NXPE2: variants seen among roughly 807,000 people sequenced by gnomAD.
NXPE2 encodes the protein NXPE family member 2.
NXPE2 carries 34 observed loss-of-function variants against 34.4 expected under a neutral mutation model. That is an observed-to-expected ratio of 0.99 (90% CI 0.75 to 1.31). The LOEUF (loss-of-function observed/expected upper bound fraction) is 1.31, where lower values mean the gene tolerates loss of function less well. Among genes scored for constraint, NXPE2 ranks in the 40% most tolerant of loss-of-function variants. NXPE2 has a pLI of 0.00. For synonymous variants in NXPE2, 235 were observed against 231.3 expected (o/e 1.02, Z -0.15); for missense variants, 649 against 672.5 (o/e 0.97, Z 0.39).
chr11:114,722,097 C>A, the NXPE2 span, among the ~76,000 whole-genome samples: 11 of 152,198 alleles, frequency 7.2e-5, no homozygotes, highest in East Asian at 3.9e-4. Context: ...CTTATTCTCA[C>A]ATTTCCCAGA....
the NXPE2 span, among the ~76,000 whole-genome samples, chr11:114,612,055 G>C: frequency 6.6e-6 from 1 of 151,286 alleles, no homozygotes; most frequent in Non-Finnish European, 1.5e-5. Flanking sequence ...GTGTTGCCTC[G>C]TGGGTAACCA....
chr11:114,708,227 C>G (rs1486397033), downstream of NXPE2, among the ~76,000 whole-genome samples: 1 of 152,106 alleles, frequency 6.6e-6, no homozygotes, highest in Non-Finnish European at 1.5e-5. Context: ...TCTCTAGATT[C>G]CAGTAAGAAT....
At chr11:114,752,228 A>G in the NXPE2 span, among the ~76,000 whole-genome samples, 1 of 152,260 alleles carries the variant, frequency 6.6e-6, no homozygotes, top group Non-Finnish European at 1.5e-5. Context: ...TGTTTGTCAC[A>G]TACAAGGAAC....
At chr11:114,746,796 A>G in the NXPE2 span, among the ~76,000 whole-genome samples, 2 of 151,840 alleles carry the variant, frequency 1.3e-5, no homozygotes, top group African/African-American at 4.8e-5. Flanking sequence ...GGTTGCAGCG[A>G]GCCAAGATAG....
At chr11:114,609,871 C>T in the NXPE2 span, among the ~76,000 whole-genome samples, 3 of 148,508 alleles carry the variant, frequency 2.0e-5, no homozygotes, top group South Asian at 4.3e-4. Context: ...GGTAACCACT[C>T]TTACCCAGTG....
chr11:114,560,094 CCT>C, the NXPE2 span, among the ~76,000 whole-genome samples: 17 of 152,150 alleles, frequency 1.1e-4, no homozygotes, highest in Middle Eastern at 3.4e-3. Context: ...GAATGGAAAA[CCT>C]CTTAGTTCTG....
At chr11:114,695,800 G>T (rs1052123096) in intron 2 of NXPE2, among the ~76,000 whole-genome samples, 1 of 147,426 alleles carries the variant, frequency 6.8e-6, no homozygotes, top group Non-Finnish European at 1.5e-5. Flanking sequence ...CGACCAGCCT[G>T]ACCAACATGG....
At chr11:114,594,657 T>A in the NXPE2 span, 1 of 1,570,492 alleles carries the variant, frequency 6.4e-7, no homozygotes, top group African/African-American at 1.4e-5. Flanking sequence ...AATAAAGCAT[T>A]TCCTACCTTT....
chr11:114,515,277 G>A, the NXPE2 span, among the ~76,000 whole-genome samples: 32,685 of 151,972 alleles, frequency 0.22, 4,880 homozygotes, highest in African/African-American at 0.41. Flanking sequence ...GAATCTATAA[G>A]TAACCTGGGA....
chr11:114,778,261 A>T, the NXPE2 span, among the ~76,000 whole-genome samples: 1 of 152,190 alleles, frequency 6.6e-6, no homozygotes, highest in Admixed American at 6.5e-5. Context: ...AAAGACCTTG[A>T]CTCTCTGGCT....
chr11:114,766,446 T>G, the NXPE2 span, among the ~76,000 whole-genome samples: 3 of 152,296 alleles, frequency 2.0e-5, no homozygotes, highest in East Asian at 5.8e-4. Flanking sequence ...CATCCTAGTT[T>G]AATTCCAGCC....
chr11:114,550,027 A>C, the NXPE2 span, among the ~76,000 whole-genome samples: 1 of 152,164 alleles, frequency 6.6e-6, no homozygotes, highest in Non-Finnish European at 1.5e-5. Flanking sequence ...TCCAAGATTT[A>C]TATGAGGAAA....
At chr11:114,518,869 T>C in the NXPE2 span, among the ~76,000 whole-genome samples, 1 of 152,010 alleles carries the variant, frequency 6.6e-6, no homozygotes, top group South Asian at 2.1e-4. Context: ...CTGTGAAATT[T>C]TGAACATTTA....
chr11:114,483,425 GCA>G, the NXPE2 span, among the ~76,000 whole-genome samples: 513 of 152,306 alleles, frequency 3.4e-3, 4 homozygotes, highest in South Asian at 0.023. Context: ...GTTTTCTAAA[GCA>G]CAGTTTGCTC....
the NXPE2 span, among the ~76,000 whole-genome samples, chr11:114,803,572 C>CTG: frequency 7.6e-6 from 1 of 131,656 alleles, no homozygotes; most frequent in Admixed American, 8.0e-5. Context: ...TCCCTCAGGT[C>CTG]TCTCTCTCTC....
the NXPE2 span, among the ~76,000 whole-genome samples, chr11:114,624,230 T>C: frequency 6.7e-6 from 1 of 149,228 alleles, no homozygotes; most frequent in Admixed American, 6.6e-5. Context: ...GACAGATGTT[T>C]CCTCTAGGGT....
At chr11:114,553,239 C>G in the NXPE2 span, among the ~76,000 whole-genome samples, 4 of 152,262 alleles carry the variant, frequency 2.6e-5, no homozygotes, top group African/African-American at 9.6e-5. Flanking sequence ...ACTGTTGTAT[C>G]TCCTTATGTG....
intron 4 of NXPE2, among the ~76,000 whole-genome samples, chr11:114,704,454 G>A (rs944519895): frequency 1.3e-5 from 2 of 152,128 alleles, no homozygotes; most frequent in African/African-American, 4.8e-5. Context: ...ATTTAGCCAA[G>A]CCATCTTACT....
At chr11:114,794,952 A>G in the NXPE2 span, among the ~76,000 whole-genome samples, 3 of 151,528 alleles carry the variant, frequency 2.0e-5, no homozygotes, top group African/African-American at 7.3e-5. Flanking sequence ...TCCAACTCAC[A>G]GAATAGTTCA....
Sources: allele counts gnomAD v4.1 joint callset (sites outside exome capture counted in the v4.1 genomes callset), GRCh38; gene constraint gnomAD v4.1.1; transcripts MANE v1.5; gene names NCBI Gene and HGNC (gene_info 2026-07-23, HGNC 2026-07-21).